Variants in PHF24 observed in about 807,000 individuals in gnomAD.
The protein encoded by PHF24 is Galpha inhibitory interacting protein.
PHF24 carries 25 observed loss-of-function variants against 42.6 expected under a neutral mutation model. That is an observed-to-expected ratio of 0.59 (90% confidence interval 0.43 to 0.82). The LOEUF is 0.82. PHF24 is among the 40% of genes least tolerant of loss of function. PHF24 has a pLI of 0.00. For missense variants in PHF24, 470 were observed against 538.1 expected, an observed-to-expected ratio of 0.87 and a Z score of 1.25; for synonymous variants, 185 against 204.8, an observed-to-expected ratio of 0.90 and a Z score of 0.83.
At chr9:34,793,596 C>T in the PHF24 span, among the ~76,000 whole-genome samples, 1 of 151,992 alleles carries the variant, frequency 6.6e-6, no homozygotes, top group Non-Finnish European at 1.5e-5. Context: ...CTTTTTTTCC[C>T]TTTAATCTCC....
the PHF24 span, among the ~76,000 whole-genome samples, chr9:34,850,252 A>T: frequency 1.3e-5 from 2 of 152,026 alleles, no homozygotes; most frequent in South Asian, 2.1e-4. Context: ...TCAGACGTAG[A>T]TTTGGTCTTT....
At chr9:34,914,952 ATTT>A in the PHF24 span, among the ~76,000 whole-genome samples, 693 of 118,466 alleles carry the variant, frequency 5.8e-3, 5 homozygotes, top group East Asian at 0.023. Flanking sequence ...TGCCTGGCTA[ATTT>A]TTTTTTTTTT....
the PHF24 span, among the ~76,000 whole-genome samples, chr9:34,666,363 C>G: frequency 6.6e-6 from 1 of 152,044 alleles, no homozygotes; most frequent in Non-Finnish European, 1.5e-5. Flanking sequence ...TCTGCCCTGC[C>G]GAGTGCCTCT....
chr9:34,946,284 G>A, the PHF24 span, among the ~76,000 whole-genome samples: 1 of 152,194 alleles, frequency 6.6e-6, no homozygotes, highest in Non-Finnish European at 1.5e-5. Context: ...TCATTGAGAA[G>A]ACAATATCTT....
the PHF24 span, among the ~76,000 whole-genome samples, chr9:34,840,072 G>A: frequency 7.9e-5 from 12 of 152,212 alleles, no homozygotes; most frequent in Admixed American, 7.2e-4. Flanking sequence ...GAATGGATTG[G>A]AGAGCAATTG....
the PHF24 span, among the ~76,000 whole-genome samples, chr9:34,907,518 G>A: frequency 6.6e-6 from 1 of 152,118 alleles, no homozygotes. Flanking sequence ...CACCTAGAAG[G>A]GGAACCTCTG....
chr9:34,673,535 A>G, the PHF24 span, among the ~76,000 whole-genome samples: 2 of 148,482 alleles, frequency 1.3e-5, no homozygotes, highest in East Asian at 2.2e-4. Context: ...CAGAGGTGTG[A>G]TCTCGGCTCA....
At chr9:34,812,617 A>G in the PHF24 span, among the ~76,000 whole-genome samples, 1 of 152,228 alleles carries the variant, frequency 6.6e-6, no homozygotes, top group East Asian at 1.9e-4. Flanking sequence ...CAGACTGGAT[A>G]TGATGAGCTT....
At chr9:34,724,168 G>A in the PHF24 span, 7 of 1,551,126 alleles carry the variant, frequency 4.5e-6, no homozygotes, top group Non-Finnish European at 6.1e-6. Flanking sequence ...CAGGGCCACA[G>A]GGTTCCTCCA....
chr9:34,925,214 T>G, the PHF24 span, among the ~76,000 whole-genome samples: 1 of 152,352 alleles, frequency 6.6e-6, no homozygotes, highest in African/African-American at 2.4e-5. Flanking sequence ...GTAAGGCTTC[T>G]GCTGAGAAAT....
intron 5 of PHF24, 33 bp downstream of exon 5, chr9:34,976,773 T>C (rs779370781): frequency 1.3e-6 from 2 of 1,588,838 alleles, no homozygotes; most frequent in African/African-American, 2.7e-5. Flanking sequence ...GTTCCTGGGA[T>C]ACTGGGTGAC....
At chr9:34,932,571 C>A in the PHF24 span, among the ~76,000 whole-genome samples, 1 of 152,150 alleles carries the variant, frequency 6.6e-6, no homozygotes, top group Non-Finnish European at 1.5e-5. Context: ...GCTGAATAAA[C>A]TATATTTTAA....
the PHF24 span, among the ~76,000 whole-genome samples, chr9:34,784,849 A>G: frequency 4.5e-3 from 679 of 152,356 alleles, 5 homozygotes; most frequent in African/African-American, 0.016. Context: ...AATTACACTA[A>G]GGATCATTTA....
At chr9:34,965,417 C>T (rs1314076540) in intron 1 of PHF24, among the ~76,000 whole-genome samples, 1 of 152,232 alleles carries the variant, frequency 6.6e-6, no homozygotes, top group Non-Finnish European at 1.5e-5. Context: ...CTTTGCATTT[C>T]TGCCCTTACA....
At chr9:34,666,302 G>A in the PHF24 span, among the ~76,000 whole-genome samples, 8 of 152,116 alleles carry the variant, frequency 5.3e-5, 1 homozygote, top group Admixed American at 4.6e-4. Flanking sequence ...TTGGGACTAA[G>A]TCCAGTACTG....
the PHF24 span, among the ~76,000 whole-genome samples, chr9:34,748,125 A>G: frequency 6.6e-6 from 1 of 152,194 alleles, no homozygotes; most frequent in Admixed American, 6.5e-5. Flanking sequence ...GGTGATTAGG[A>G]GGGGATACAA....
the PHF24 span, among the ~76,000 whole-genome samples, chr9:34,865,123 G>A: frequency 7.3e-6 from 1 of 136,786 alleles, no homozygotes; most frequent in Non-Finnish European, 1.5e-5. Flanking sequence ...AGGTTGCAGT[G>A]AGCTGAGATT....
chr9:34,888,418 T>C, the PHF24 span, among the ~76,000 whole-genome samples: 3 of 152,288 alleles, frequency 2.0e-5, no homozygotes, highest in Admixed American at 2.0e-4. Context: ...CAAAGTTGTT[T>C]TTATTGTGAC....
At chr9:34,808,918 G>A in the PHF24 span, among the ~76,000 whole-genome samples, 1 of 150,416 alleles carries the variant, frequency 6.6e-6, no homozygotes, top group Non-Finnish European at 1.5e-5. Context: ...GGATAGCATT[G>A]GGAGATATAC....
Sources: allele counts gnomAD v4.1 joint callset (sites outside exome capture counted in the v4.1 genomes callset), GRCh38; gene constraint gnomAD v4.1.1; transcripts MANE v1.5; gene names NCBI Gene and HGNC (gene_info 2026-07-23, HGNC 2026-07-21).